Variants in SATB2 observed in about 807,000 individuals in gnomAD.
SATB2 encodes the protein SATB homeobox 2, also known as DNA-binding protein SATB2.
A neutral mutation model predicts 73.4 loss-of-function variants in SATB2; 1 was observed. The observed-to-expected ratio is 0.01, with a 90% CI of 0.00 to 0.06. SATB2 has a LOEUF of 0.06. Ranked by LOEUF, SATB2 falls within the 10% of genes least tolerant of loss-of-function variation. The pLI is 1.00. For synonymous variants in SATB2, 397 were observed against 367.0 expected (o/e 1.08, Z -0.93); for missense variants, 459 against 945.8 (o/e 0.49, Z 6.75).
intron 3 of SATB2, among the ~76,000 whole-genome samples, chr2:199,401,424 G>A (rs776731913): frequency 2.0e-5 from 3 of 151,616 alleles, no homozygotes; most frequent in Admixed American, 6.6e-5. Flanking sequence ...GTGGTGGTGC[G>A]TGCCTGTACT....
intron 3 of SATB2, among the ~76,000 whole-genome samples, chr2:199,393,871 T>C (rs1003577826): frequency 2.0e-5 from 3 of 152,098 alleles, no homozygotes; most frequent in African/African-American, 7.2e-5. Flanking sequence ...AAAACAACAA[T>C]GGCTTTCAGA....
intron 10 of SATB2, among the ~76,000 whole-genome samples, chr2:199,300,057 C>T (rs1370757392): frequency 6.6e-6 from 1 of 152,058 alleles, no homozygotes; most frequent in Non-Finnish European, 1.5e-5. Context: ...TCTCATTGCT[C>T]TATGCTGCTC....
intron 3 of SATB2, among the ~76,000 whole-genome samples, chr2:199,402,511 C>G (rs1020743718): frequency 6.6e-6 from 1 of 152,096 alleles, no homozygotes; most frequent in African/African-American, 2.4e-5. Context: ...GAGCTGAGAT[C>G]GAGATCGTAG....
At chr2:199,337,737 G>A (rs1403453461) in intron 7 of SATB2, among the ~76,000 whole-genome samples, 2 of 152,130 alleles carry the variant, frequency 1.3e-5, no homozygotes, top group Non-Finnish European at 2.9e-5. Context: ...ACTGTATACA[G>A]AATTGAAACA....
intron 9 of SATB2, among the ~76,000 whole-genome samples, chr2:199,323,050 G>A (rs1199855024): frequency 1.3e-5 from 2 of 152,020 alleles, no homozygotes; most frequent in African/African-American, 2.4e-5. Context: ...TCAAACCTAG[G>A]ATTCTAGGTT....
At chr2:199,469,782 C>T (rs145645804), upstream of SATB2, 2 of 152,506 alleles carry the variant, frequency 1.3e-5, no homozygotes, top group East Asian at 1.9e-4. Context: ...TAAACACCAG[C>T]GAAACCCCTT....
At chr2:199,418,838 G>A (rs1172659666) in intron 3 of SATB2, among the ~76,000 whole-genome samples, 2 of 152,076 alleles carry the variant, frequency 1.3e-5, no homozygotes, top group East Asian at 1.9e-4. Context: ...TCTGCTGTAC[G>A]GAGTTCCTTT....
At chr2:199,367,013 A>T (rs2167006) in intron 6 of SATB2, among the ~76,000 whole-genome samples, 118,077 of 152,122 alleles carry the variant, frequency 0.78, 47,410 homozygotes, top group South Asian at 0.91. Flanking sequence ...ACTCCAGCCT[A>T]TTAAAAGAGG....
intron 5 of SATB2, among the ~76,000 whole-genome samples, chr2:199,372,611 C>T (rs1318324028): frequency 6.6e-6 from 1 of 152,108 alleles, no homozygotes; most frequent in East Asian, 1.9e-4. Flanking sequence ...CATGAAGACA[C>T]TCTGTTAGTG....
intron 10 of SATB2, among the ~76,000 whole-genome samples, chr2:199,299,986 A>C (rs1201721993): frequency 2.6e-5 from 4 of 152,100 alleles, no homozygotes; most frequent in Non-Finnish European, 2.9e-5. Context: ...GTGGGAAGGG[A>C]AAGAAGGATG....
At chr2:199,452,389 C>T (rs1483354814) in intron 2 of SATB2, among the ~76,000 whole-genome samples, 2 of 152,168 alleles carry the variant, frequency 1.3e-5, no homozygotes, top group African/African-American at 4.8e-5. Flanking sequence ...CCTCTGGAAA[C>T]TTGATTGGCA....
At chr2:199,378,556 A>C (rs1689670316) in intron 5 of SATB2, among the ~76,000 whole-genome samples, 1 of 152,182 alleles carries the variant, frequency 6.6e-6, no homozygotes, top group Admixed American at 6.5e-5. Context: ...AGGTCAGAAT[A>C]ATGTCCTTTT....
intron 5 of SATB2, among the ~76,000 whole-genome samples, chr2:199,369,688 G>A (rs1216384778): frequency 6.6e-6 from 1 of 152,100 alleles, no homozygotes; most frequent in Admixed American, 6.5e-5. Context: ...CCCAGACATA[G>A]AACAGTTCAG....
At chr2:199,450,718 C>A (rs1166588860) in intron 2 of SATB2, among the ~76,000 whole-genome samples, 1 of 151,908 alleles carries the variant, frequency 6.6e-6, no homozygotes, top group East Asian at 1.9e-4. Context: ...TATGCTGATT[C>A]TATAATAAAT....
intron 9 of SATB2, among the ~76,000 whole-genome samples, chr2:199,315,864 C>T (rs1219447800): frequency 1.3e-5 from 2 of 152,012 alleles, no homozygotes; most frequent in African/African-American, 4.8e-5. Flanking sequence ...AGTTACTTCA[C>T]CTACTAATTA....
intron 5 of SATB2, among the ~76,000 whole-genome samples, chr2:199,375,405 C>T: frequency 6.6e-6 from 1 of 152,182 alleles, no homozygotes; most frequent in East Asian, 1.9e-4. Context: ...AGACACACAA[C>T]CACAATCTGT....
intron 5 of SATB2, among the ~76,000 whole-genome samples, chr2:199,369,106 C>G (rs1689370017): frequency 6.6e-6 from 1 of 152,168 alleles, no homozygotes; most frequent in African/African-American, 2.4e-5. Flanking sequence ...AGCCAAGAAT[C>G]TGAGAACATC....
At chr2:199,452,475 T>C (rs552317751) in intron 2 of SATB2, among the ~76,000 whole-genome samples, 2 of 152,282 alleles carry the variant, frequency 1.3e-5, no homozygotes, top group South Asian at 4.1e-4. Context: ...CTTATGCTAA[T>C]AGTGGTAAAA....
At chr2:199,392,416 G>GA (rs34507550) in intron 3 of SATB2, among the ~76,000 whole-genome samples, 18,388 of 145,296 alleles carry the variant, frequency 0.13, 1,481 homozygotes, top group East Asian at 0.47. Flanking sequence ...CAATACCCAG[G>GA]AAAAAAAAAA....
Sources: gnomAD v4.1 joint callset for allele counts (sites outside exome capture counted in the v4.1 genomes callset) on GRCh38, gnomAD v4.1.1 for gene constraint, MANE v1.5 for transcripts, NCBI Gene and HGNC (gene_info 2026-07-23, HGNC 2026-07-21) for gene names.